TRDN: variants seen among roughly 807,000 people sequenced by gnomAD.
TRDN encodes triadin.
Under a neutral mutation model 149.7 loss-of-function variants are expected in TRDN, and 161 were observed. That is an observed-to-expected ratio of 1.08 (90% CI 0.95 to 1.23). TRDN has a LOEUF of 1.23. Ranked by LOEUF, TRDN falls within the 50% of genes most tolerant of loss-of-function variation. The probability of loss-of-function intolerance (pLI) is 0.00; values close to 1 mark genes in which losing one functional copy is unlikely to be tolerated. For missense variants in TRDN, 896 were observed against 823.5 expected (o/e 1.09, Z -1.08); for synonymous variants, 294 against 250.5 (o/e 1.17, Z -1.64).
chr6:123,266,483 A>G (rs186906542), intron 32 of TRDN, among the ~76,000 whole-genome samples: 1,068 of 3,664 alleles, frequency 0.29, 187 homozygotes, highest in East Asian at 0.4. Context: ...TATATATTAT[A>G]ATATGTATTA....
At chr6:123,232,791 A>T (rs1775653894) in intron 38 of TRDN, among the ~76,000 whole-genome samples, 1 of 152,080 alleles carries the variant, frequency 6.6e-6, no homozygotes, top group African/African-American at 2.4e-5. Flanking sequence ...GGCATGGATT[A>T]ATTTTGTTTT....
At chr6:123,368,790 A>G (rs1176217683) in intron 19 of TRDN, among the ~76,000 whole-genome samples, 1 of 152,156 alleles carries the variant, frequency 6.6e-6, no homozygotes, top group East Asian at 1.9e-4. Flanking sequence ...AAGAACTCCC[A>G]TTATACGGTA....
intron 10 of TRDN, among the ~76,000 whole-genome samples, chr6:123,451,784 G>T (rs980848414): frequency 1.3e-5 from 2 of 151,980 alleles, no homozygotes; most frequent in Non-Finnish European, 2.9e-5. Context: ...ATCAGGAAAG[G>T]ACATAATGAA....
At chr6:123,482,047 G>A (rs548003915) in intron 9 of TRDN, among the ~76,000 whole-genome samples, 21 of 152,174 alleles carry the variant, frequency 1.4e-4, no homozygotes, top group Middle Eastern at 3.4e-3. Flanking sequence ...CCTCCCTTCC[G>A]CTTTGTTTCC....
intron 10 of TRDN, among the ~76,000 whole-genome samples, chr6:123,453,514 A>G (rs1439090784): frequency 6.6e-6 from 1 of 152,186 alleles, no homozygotes; most frequent in Non-Finnish European, 1.5e-5. Flanking sequence ...AAAATGCTCA[A>G]CATCACTAAT....
At chr6:123,238,742 A>G (rs1775880315) in intron 38 of TRDN, among the ~76,000 whole-genome samples, 1 of 152,226 alleles carries the variant, frequency 6.6e-6, no homozygotes, top group Non-Finnish European at 1.5e-5. Context: ...GACATAAAGT[A>G]AAGGTTTAAT....
chr6:123,471,279 T>C (rs1020690135), intron 9 of TRDN: 10 of 152,208 alleles, frequency 6.6e-5, no homozygotes, highest in African/African-American at 2.4e-4. Context: ...AGTGCCATAA[T>C]AAGGGCAGAA....
chr6:123,365,746 G>A (rs757433380), intron 20 of TRDN, among the ~76,000 whole-genome samples: 4 of 152,076 alleles, frequency 2.6e-5, no homozygotes, highest in Non-Finnish European at 4.4e-5. Flanking sequence ...TACTATTCTT[G>A]AACAAAGTGA....
At chr6:123,277,942 C>T (rs1019732914) in intron 26 of TRDN, among the ~76,000 whole-genome samples, 2 of 152,124 alleles carry the variant, frequency 1.3e-5, no homozygotes, top group East Asian at 3.9e-4. Context: ...GTTTCTACTG[C>T]CTACTGTAGC....
At chr6:123,632,208 A>G (rs972370391) in intron 1 of TRDN, among the ~76,000 whole-genome samples, 2 of 152,068 alleles carry the variant, frequency 1.3e-5, no homozygotes, top group East Asian at 1.9e-4. Context: ...AGGTTCCCAG[A>G]GCCTACTGCC....
At position 123,224,127 on chromosome 6, in the gene TRDN, A is replaced by G. The variant is rs1219746479; in HGVS notation, c.1980T>C (p.Asp660=). ...KAEKPARVSK[D]VEDVPASKKA... is the part of the protein sequence containing the mutation. Reference sequence around the variant, plus strand: ...TCTTTGAAGCTGGTACATCTTCAACATCTTCTAGAGTACAGAAAAAAGGCA... The same window carrying G: ...TCTTTGAAGCTGGTACATCTTCAACGTCTTCTAGAGTACAGAAAAAAGGCA... Residue 660 remains aspartate, a synonymous_variant, in exon 39 of 41, where the codon GAT becomes GAC. Coordinates refer to ENST00000334268, the MANE Select transcript of TRDN (RefSeq NM_006073.4). 1.2e-6 allele frequency: 2 copies of G among 1,610,414 alleles called. No homozygotes were observed. The highest frequency in any genetic ancestry group is 1.7e-6 in the Non-Finnish European group (2 of 1,177,854).
chr6:123,264,972 T>C (rs570418617), intron 33 of TRDN, among the ~76,000 whole-genome samples: 47 of 152,214 alleles, frequency 3.1e-4, no homozygotes, highest in Middle Eastern at 6.8e-3. Context: ...GTGTGATTTA[T>C]TGTGGTGGTC....
chr6:123,489,763 A>C (rs528554993), intron 9 of TRDN, among the ~76,000 whole-genome samples: 7 of 152,178 alleles, frequency 4.6e-5, no homozygotes, highest in Non-Finnish European at 7.4e-5. Flanking sequence ...ATTGCCTAGA[A>C]AGATGATGCA....
chr6:123,298,236 G>A (rs534289214), intron 24 of TRDN, among the ~76,000 whole-genome samples: 7 of 152,062 alleles, frequency 4.6e-5, no homozygotes, highest in African/African-American at 9.6e-5. Flanking sequence ...ATAGAGTCCT[G>A]TTGATTCTAT....
chr6:123,309,976 C>G (rs1026964785), intron 24 of TRDN, among the ~76,000 whole-genome samples: 1 of 151,984 alleles, frequency 6.6e-6, no homozygotes, highest in Non-Finnish European at 1.5e-5. Flanking sequence ...TAAAGGATAA[C>G]TGAATGAAAT....
chr6:123,432,818 T>C (rs1178346730), intron 12 of TRDN, among the ~76,000 whole-genome samples: 1 of 152,108 alleles, frequency 6.6e-6, no homozygotes, highest in African/African-American at 2.4e-5. Flanking sequence ...GAAACATCTA[T>C]AATACCAAGC....
chr6:123,354,922 A>G (rs1780602525), intron 20 of TRDN, among the ~76,000 whole-genome samples: 1 of 151,612 alleles, frequency 6.6e-6, no homozygotes, highest in South Asian at 2.1e-4. Context: ...TAAAATAACT[A>G]TTTTCTTTTA....
intron 24 of TRDN, among the ~76,000 whole-genome samples, chr6:123,306,813 G>GA (rs1778628054): frequency 6.6e-6 from 1 of 151,858 alleles, no homozygotes. Flanking sequence ...AATAAAACAT[G>GA]AAATTTAGAA....
chr6:123,572,821 C>A (rs1358314104), intron 1 of TRDN, among the ~76,000 whole-genome samples: 1 of 152,052 alleles, frequency 6.6e-6, no homozygotes, highest in Non-Finnish European at 1.5e-5. Context: ...TACATTGTTT[C>A]AATTTTACTA....
Sources: allele counts gnomAD v4.1 joint callset (sites outside exome capture counted in the v4.1 genomes callset), GRCh38; gene constraint gnomAD v4.1.1; transcripts MANE v1.5; gene names NCBI Gene and HGNC (gene_info 2026-07-23, HGNC 2026-07-21).